The following CSMD1 variants were observed in gnomAD, a reference collection of about 807,000 sequenced individuals.
CSMD1 encodes the protein CUB and sushi domain-containing protein 1.
CSMD1 carries 213 observed loss-of-function variants against 417.5 expected under a neutral mutation model. The observed-to-expected ratio is 0.51, with a 90% CI of 0.46 to 0.57. The LOEUF is 0.57. CSMD1 is among the 20% of genes least tolerant of loss of function. The pLI is 0.00. For missense variants in CSMD1, 6,923 were observed against 4,529.7 expected (o/e 1.53, Z -15.17); for synonymous variants, 2,862 against 1,736.8 (o/e 1.65, Z -16.11).
intron 10 of CSMD1, among the ~76,000 whole-genome samples, chr8:3,501,587 G>A (rs968326369): frequency 1.3e-5 from 2 of 152,116 alleles, no homozygotes; most frequent in Non-Finnish European, 2.9e-5. Context: ...TGACAACTCA[G>A]AACACACTGG....
intron 3 of CSMD1, among the ~76,000 whole-genome samples, chr8:4,389,508 G>T (rs901265631): frequency 6.6e-6 from 1 of 151,854 alleles, no homozygotes; most frequent in Non-Finnish European, 1.5e-5. Context: ...AAATACAAAG[G>T]ATAATATATC....
intron 1 of CSMD1, among the ~76,000 whole-genome samples, chr8:4,869,430 G>C (rs1025615656): frequency 4.6e-5 from 7 of 151,814 alleles, no homozygotes; most frequent in African/African-American, 1.7e-4. Flanking sequence ...CAAATATTTG[G>C]TAATCACTAA....
intron 3 of CSMD1, among the ~76,000 whole-genome samples, chr8:4,034,977 T>C (rs191906651): frequency 6.6e-6 from 1 of 152,204 alleles, no homozygotes; most frequent in Non-Finnish European, 1.5e-5. Flanking sequence ...TCTGCGCGAC[T>C]CTTCTATACG....
chr8:4,527,995 T>C (rs1796608554), intron 2 of CSMD1, among the ~76,000 whole-genome samples: 1 of 152,140 alleles, frequency 6.6e-6, no homozygotes, highest in Non-Finnish European at 1.5e-5. Flanking sequence ...TGGCTCTCAC[T>C]CAGAGCCCTG....
chr8:3,527,731 T>C (rs1426858201), intron 10 of CSMD1, among the ~76,000 whole-genome samples: 3 of 152,030 alleles, frequency 2.0e-5, no homozygotes, highest in African/African-American at 7.2e-5. Flanking sequence ...GAGGGGTGGG[T>C]GAAACGAAGA....
chr8:3,987,229 C>G (rs555472098), intron 5 of CSMD1, among the ~76,000 whole-genome samples: 1 of 152,336 alleles, frequency 6.6e-6, no homozygotes, highest in South Asian at 2.1e-4. Context: ...CGCACTCTTC[C>G]TGTGAACATG....
chr8:4,161,677 T>C (rs1797179075), intron 3 of CSMD1, among the ~76,000 whole-genome samples: 1 of 152,196 alleles, frequency 6.6e-6, no homozygotes, highest in Admixed American at 6.6e-5. Context: ...TAAAAATTAT[T>C]ACAATTTAGC....
intron 25 of CSMD1, among the ~76,000 whole-genome samples, chr8:3,287,294 TG>T (rs1028396712): frequency 5.0e-4 from 76 of 152,114 alleles, no homozygotes; most frequent in African/African-American, 1.7e-3. Flanking sequence ...GGCTCTTTTT[TG>T]GTTCCATATG....
intron 8 of CSMD1, among the ~76,000 whole-genome samples, chr8:3,589,816 T>C (rs1800769801): frequency 6.6e-6 from 1 of 152,168 alleles, no homozygotes; most frequent in African/African-American, 2.4e-5. Flanking sequence ...GATTTGACCA[T>C]TTCACAATGT....
At chr8:4,245,561 G>C (rs531724433) in intron 3 of CSMD1, among the ~76,000 whole-genome samples, 2 of 152,296 alleles carry the variant, frequency 1.3e-5, no homozygotes, top group Admixed American at 1.3e-4. Flanking sequence ...GAGGTGTGTA[G>C]AGGAAATGTG....
intron 5 of CSMD1, among the ~76,000 whole-genome samples, chr8:3,855,832 T>A (rs1367129336): frequency 6.6e-6 from 1 of 152,200 alleles, no homozygotes; most frequent in Non-Finnish European, 1.5e-5. Flanking sequence ...GTAAACATCT[T>A]TGATTTAGAG....
intron 26 of CSMD1, among the ~76,000 whole-genome samples, chr8:3,252,915 T>A (rs1800381601): frequency 1.3e-5 from 2 of 152,224 alleles, no homozygotes; most frequent in Admixed American, 6.5e-5. Flanking sequence ...GATATTACCT[T>A]TATCATTTTT....
At chr8:3,889,704 T>G (rs1286552672) in intron 5 of CSMD1, among the ~76,000 whole-genome samples, 1 of 151,638 alleles carries the variant, frequency 6.6e-6, no homozygotes, top group Admixed American at 6.6e-5. Context: ...GGACTTCCTA[T>G]AAATTGAGCT....
chr8:4,706,894 G>T (rs748265896), intron 1 of CSMD1, among the ~76,000 whole-genome samples: 8 of 152,196 alleles, frequency 5.3e-5, no homozygotes, highest in African/African-American at 1.9e-4. Context: ...AATGAGAAAG[G>T]CAAGGCGAAA....
At chr8:4,564,969 G>A (rs1004357102) in intron 2 of CSMD1, among the ~76,000 whole-genome samples, 2 of 152,116 alleles carry the variant, frequency 1.3e-5, no homozygotes, top group Admixed American at 6.5e-5. Context: ...AAAAGAATGT[G>A]GGTGCCTTGG....
intron 2 of CSMD1, among the ~76,000 whole-genome samples, chr8:4,480,145 T>C (rs929040957): frequency 2.0e-5 from 3 of 149,912 alleles, no homozygotes; most frequent in Non-Finnish European, 4.4e-5. Context: ...GAATCTGTTT[T>C]CTACTATTTT....
At chr8:3,061,516 G>A (rs577686052) in intron 49 of CSMD1, among the ~76,000 whole-genome samples, 3 of 152,198 alleles carry the variant, frequency 2.0e-5, no homozygotes, top group South Asian at 2.1e-4. Flanking sequence ...GGATGCACTC[G>A]AGCAAACACT....
intron 52 of CSMD1, among the ~76,000 whole-genome samples, chr8:3,008,364 T>C (rs11984719): frequency 0.058 from 8,882 of 152,224 alleles, 277 homozygotes; most frequent in African/African-American, 0.085. Flanking sequence ...ACCCGCACAG[T>C]GTGGCCCACC....
At chr8:3,213,362 A>G (rs1043898142) in intron 30 of CSMD1, among the ~76,000 whole-genome samples, 9 of 152,142 alleles carry the variant, frequency 5.9e-5, no homozygotes, top group Non-Finnish European at 1.3e-4. Context: ...TCAAGGGTCC[A>G]CAGCCTGAGG....
Sources: allele counts gnomAD v4.1 joint callset (sites outside exome capture counted in the v4.1 genomes callset), GRCh38; gene constraint gnomAD v4.1.1; transcripts MANE v1.5; gene names NCBI Gene and HGNC (gene_info 2026-07-23, HGNC 2026-07-21).